Variants in STX8 observed in about 807,000 individuals in gnomAD.
STX8 encodes the protein syntaxin 8.
In STX8, 23 loss-of-function variants were observed where a neutral mutation model predicts 37.5. The observed-to-expected ratio is 0.61, with a 90% CI of 0.44 to 0.87. The LOEUF (loss-of-function observed/expected upper bound fraction) is 0.87, where lower values mean the gene tolerates loss of function less well. STX8 is among the 40% of genes least tolerant of loss of function. STX8 has a pLI of 0.00. For missense variants in STX8, 313 were observed against 284.7 expected, an observed-to-expected ratio of 1.10 and a Z score of -0.71; for synonymous variants, 115 against 99.1, an observed-to-expected ratio of 1.16 and a Z score of -0.95.
At chr17:9,252,465 C>G (rs1256202827) in intron 7 of STX8, among the ~76,000 whole-genome samples, 2 of 151,004 alleles carry the variant, frequency 1.3e-5, no homozygotes, top group Admixed American at 6.6e-5. Context: ...AAATATTAGC[C>G]AGGTGTGGTG....
chr17:9,530,965 A>G (rs1052657351), intron 4 of STX8, among the ~76,000 whole-genome samples: 4 of 152,214 alleles, frequency 2.6e-5, no homozygotes, highest in Non-Finnish European at 5.9e-5. Context: ...TTAGATCTAT[A>G]ATCCTTTTGG....
intron 6 of STX8, among the ~76,000 whole-genome samples, chr17:9,445,501 T>TGGTGGGGAAGGGGGTTGGGGG (rs1555528124): frequency 2.1e-3 from 3 of 1,430 alleles, no homozygotes; most frequent in Admixed American, 0.014. Flanking sequence ...GAGGGGGGGA[T>TGGTGGGGAAGGGGGTTGGGGG]GGTGGGGGAG....
intron 6 of STX8, among the ~76,000 whole-genome samples, chr17:9,434,743 T>G (rs1904364734): frequency 6.6e-6 from 1 of 152,216 alleles, no homozygotes; most frequent in African/African-American, 2.4e-5. Context: ...GGCTAACTCA[T>G]AGGCAGTGTG....
At chr17:9,519,714 A>T (rs1905272763) in intron 4 of STX8, among the ~76,000 whole-genome samples, 1 of 149,254 alleles carries the variant, frequency 6.7e-6, no homozygotes, top group African/African-American at 2.5e-5. Flanking sequence ...TCCACACCCT[A>T]CTTCGGCCCT....
chr17:9,307,398 C>T (rs1026907138), intron 7 of STX8, among the ~76,000 whole-genome samples: 1 of 152,174 alleles, frequency 6.6e-6, no homozygotes, highest in African/African-American at 2.4e-5. Flanking sequence ...CTCCTGACTT[C>T]GGTCTTCCTC....
intron 6 of STX8, among the ~76,000 whole-genome samples, chr17:9,479,428 G>A (rs1470720454): frequency 1.3e-5 from 2 of 151,752 alleles, no homozygotes; most frequent in Admixed American, 1.3e-4. Context: ...CAGCTACTTG[G>A]GAGTCTGAGG....
chr17:9,367,743 G>T (rs984648847), intron 7 of STX8, among the ~76,000 whole-genome samples: 1 of 152,102 alleles, frequency 6.6e-6, no homozygotes, highest in Admixed American at 6.6e-5. Context: ...TGTTGTTGTT[G>T]TTGTTGAGAC....
intron 6 of STX8, among the ~76,000 whole-genome samples, chr17:9,482,652 G>T (rs1423433505): frequency 1.3e-5 from 2 of 152,084 alleles, no homozygotes; most frequent in African/African-American, 4.8e-5. Flanking sequence ...AATCTCTCAC[G>T]CCTGTAATCC....
At chr17:9,324,093 CTCTCTCTCTCTCTCTG>C (rs1699383747) in intron 7 of STX8, among the ~76,000 whole-genome samples, 1 of 146,944 alleles carries the variant, frequency 6.8e-6, no homozygotes, top group Non-Finnish European at 1.5e-5. Context: ...ATCCCTCTCT[CTCTCTCTCTCTCTCTG>C]TCTCTCTCTC....
intron 7 of STX8, among the ~76,000 whole-genome samples, chr17:9,324,126 TCACACACACACACACA>T (rs35942102): frequency 1.5e-5 from 2 of 135,512 alleles, no homozygotes; most frequent in African/African-American, 6.8e-5. Flanking sequence ...TCTCTCTCTC[TCACACACACACACACA>T]CACACACACA....
At chr17:9,282,515 A>T (rs1346662816) in intron 7 of STX8, among the ~76,000 whole-genome samples, 1 of 152,164 alleles carries the variant, frequency 6.6e-6, no homozygotes, top group Non-Finnish European at 1.5e-5. Context: ...CCAACATTAC[A>T]TTATTTGAAA....
chr17:9,509,674 T>C (rs1044887284), intron 4 of STX8, among the ~76,000 whole-genome samples: 4 of 151,708 alleles, frequency 2.6e-5, no homozygotes, highest in Admixed American at 6.6e-5. Context: ...TTCAGAACAC[T>C]ACCCAACCAC....
intron 4 of STX8, among the ~76,000 whole-genome samples, chr17:9,532,992 C>T (rs1310349899): frequency 6.6e-6 from 1 of 152,232 alleles, no homozygotes; most frequent in Non-Finnish European, 1.5e-5. Flanking sequence ...CAAATACTCC[C>T]TTTGTCATTC....
At chr17:9,278,202 C>T (rs1907743334) in intron 7 of STX8, among the ~76,000 whole-genome samples, 1 of 152,176 alleles carries the variant, frequency 6.6e-6, no homozygotes, top group Non-Finnish European at 1.5e-5. Context: ...AATCCCAGCA[C>T]TTTGGGAGGC....
chr17:9,298,010 G>A lies in STX8; in HGVS notation c.644-47365C>T, dbSNP rs532389901. Among the ~76,000 whole-genome samples, 4 of 152,190 alleles carry A rather than the reference G, an allele frequency of 2.6e-5. No individual in the cohort carries two copies. In the South Asian group the frequency reaches 8.3e-4, roughly 32 times the overall value. On this transcript the variant is annotated intron_variant, in intron 7 of 7. Transcript: ENST00000306357. Reference sequence around the variant, plus strand: ...TTACCTAAATAGAGATGACCTGATGGGTAAAAAGAAGTCCTTTCTTTTCCC... The same window carrying A: ...TTACCTAAATAGAGATGACCTGATGAGTAAAAAGAAGTCCTTTCTTTTCCC...
chr17:9,405,961 G>A (rs931548252), intron 6 of STX8, among the ~76,000 whole-genome samples: 13 of 152,104 alleles, frequency 8.5e-5, no homozygotes, highest in Admixed American at 2.0e-4. Context: ...TCACATTAGC[G>A]TGTATAGATA....
At chr17:9,436,368 T>C (rs911433969) in intron 6 of STX8, among the ~76,000 whole-genome samples, 22 of 148,880 alleles carry the variant, frequency 1.5e-4, no homozygotes, top group African/African-American at 5.4e-4. Flanking sequence ...AAAAGTACCC[T>C]ACCTTTGACT....
chr17:9,543,965 T>C (rs932460970), intron 4 of STX8, among the ~76,000 whole-genome samples: 2 of 152,128 alleles, frequency 1.3e-5, no homozygotes, highest in African/African-American at 4.8e-5. Flanking sequence ...CTTCAGCTTG[T>C]TCTAGGCAGT....
chr17:9,505,867 G>C (rs1267436642), intron 4 of STX8, among the ~76,000 whole-genome samples: 2 of 150,310 alleles, frequency 1.3e-5, no homozygotes, highest in African/African-American at 2.5e-5. Context: ...GCTTGAACCT[G>C]AGAGGCGGAG....
Sources: allele counts gnomAD v4.1 joint callset (sites outside exome capture counted in the v4.1 genomes callset), GRCh38; gene constraint gnomAD v4.1.1; transcripts MANE v1.5; gene names NCBI Gene and HGNC (gene_info 2026-07-23, HGNC 2026-07-21).